ASPH: variants seen among roughly 807,000 people sequenced by gnomAD.
ASPH encodes aspartate beta-hydroxylase, also known as aspartyl/asparaginyl beta-hydroxylase.
A neutral mutation model predicts 118.4 loss-of-function variants in ASPH; 100 were observed. The ratio of observed to expected loss-of-function variants is 0.84; its 90% CI spans 0.72 to 1.00. The LOEUF (loss-of-function observed/expected upper bound fraction) is 1.00. Ranked by LOEUF, ASPH falls within the 50% of genes least tolerant of loss-of-function variation. The pLI is 0.00. For synonymous variants in ASPH, 315 were observed against 325.6 expected (o/e 0.97, Z 0.35); for missense variants, 920 against 919.5 (o/e 1.00, Z -0.01).
At chr8:61,664,960 AAT>A in intron 3 of ASPH, 1 of 1,134,046 alleles carries the variant, frequency 8.8e-7, no homozygotes, top group Non-Finnish European at 1.1e-6. Context: ...GAAAGTATTC[AAT>A]ATATTAATCC....
chr8:61,627,150 A>C (rs1165985091), intron 13 of ASPH, among the ~76,000 whole-genome samples: 1 of 152,228 alleles, frequency 6.6e-6, no homozygotes, highest in Non-Finnish European at 1.5e-5. Flanking sequence ...TTCCCCAAAA[A>C]GACATTACAA....
chr8:61,689,662 CA>C, intron 1 of ASPH: 2 of 1,586,716 alleles, frequency 1.3e-6, no homozygotes, highest in African/African-American at 1.3e-5. Context: ...GCCTAAATAA[CA>C]AAAATATACC....
At position 61,620,537 on chromosome 8, in the gene ASPH, G is replaced by A. The variant is rs543018211; in HGVS notation, c.935-1518C>T. 3.0e-4 allele frequency among the ~76,000 whole-genome samples: 46 copies of A among 150,870 alleles called. 1 individual carries two copies. The highest frequency in any genetic ancestry group is 6.3e-4 in the African/African-American group (26 of 40,956). On this transcript the variant is annotated intron_variant, in intron 13 of 24. Transcript: ENST00000379454. ...CTTGGTAGAATGTTCTAGAATTTCCGATCTCTTTAACTATAGCCTCCTTAT... is the reference window on the plus strand; with the variant it reads ...CTTGGTAGAATGTTCTAGAATTTCCAATCTCTTTAACTATAGCCTCCTTAT...
At chr8:61,692,666 T>C (rs1487941764) in intron 1 of ASPH, among the ~76,000 whole-genome samples, 1 of 152,182 alleles carries the variant, frequency 6.6e-6, no homozygotes, top group Non-Finnish European at 1.5e-5. Flanking sequence ...CCGGATCAGC[T>C]ATCATTACAG....
intron 14 of ASPH, among the ~76,000 whole-genome samples, chr8:61,616,707 T>C (rs1849152645): frequency 6.6e-6 from 1 of 152,212 alleles, no homozygotes; most frequent in Non-Finnish European, 1.5e-5. Context: ...GTACAAACTG[T>C]TCCTCTGCTC....
chr8:61,571,146 G>T lies in ASPH; in HGVS notation c.1150-3828C>A, dbSNP rs1445020548. Among the ~76,000 whole-genome samples the T allele has an allele frequency of 3.9e-5, 6 of 152,106 alleles. 1 individual carries two copies. Among genetic ancestry groups the T allele is most frequent in the African/African-American group, 7.2e-5 (3 of 41,434 alleles). ...TTATTTTTAAAACTACTATGAACTTGAAGTTTCCTTTAAATTACTCTATTA... is the reference window on the plus strand; with the variant it reads ...TTATTTTTAAAACTACTATGAACTTTAAGTTTCCTTTAAATTACTCTATTA... On this transcript the variant is annotated intron_variant, in intron 16 of 24. Transcript: ENST00000379454.
intron 20 of ASPH, among the ~76,000 whole-genome samples, chr8:61,550,154 C>G (rs1825402685): frequency 6.6e-6 from 1 of 151,952 alleles, no homozygotes. Flanking sequence ...ATGAATTCAG[C>G]TAGAGTGCTT....
intron 24 of ASPH, among the ~76,000 whole-genome samples, chr8:61,514,610 G>A (rs1810175915): frequency 6.6e-6 from 1 of 152,134 alleles, no homozygotes; most frequent in South Asian, 2.1e-4. Context: ...TTGGGAGGCT[G>A]AGGCAGGAAA....
chr8:61,628,046 T>G (rs535473194), intron 13 of ASPH, among the ~76,000 whole-genome samples: 2 of 152,238 alleles, frequency 1.3e-5, no homozygotes, highest in South Asian at 4.1e-4. Flanking sequence ...CTACGGTAGC[T>G]GCTTCTTACT....
intron 24 of ASPH, among the ~76,000 whole-genome samples, chr8:61,505,130 T>C (rs1364726893): frequency 6.6e-6 from 1 of 152,108 alleles, no homozygotes; most frequent in African/African-American, 2.4e-5. Flanking sequence ...ATAAGTATCA[T>C]GAGATCTGAT....
chr8:61,561,311 T>C (rs958458373), intron 18 of ASPH, among the ~76,000 whole-genome samples: 1 of 152,196 alleles, frequency 6.6e-6, no homozygotes, highest in Non-Finnish European at 1.5e-5. Flanking sequence ...GTGTTATGTG[T>C]TGGCCATTAA....
chr8:61,632,631 A>T (rs1362904294), intron 13 of ASPH: 1 of 491,918 alleles, frequency 2.0e-6, no homozygotes, highest in African/African-American at 2.0e-5. Flanking sequence ...TCATATTATA[A>T]TACCAACAAT....
intron 17 of ASPH, 82 bp downstream of exon 17, chr8:61,567,086 C>T: frequency 6.7e-7 from 1 of 1,491,140 alleles, no homozygotes; most frequent in Non-Finnish European, 9.0e-7. Context: ...CGTAATTCTT[C>T]TAAGAGAAGA....
chr8:61,562,793 C>G lies in ASPH; in HGVS notation c.1388G>C (p.Gly463Ala). ...GTCATTATCTCCTATCAAGAGGTAT[C>G]CCACGCCAAGGTCATTTTTTAAGGA... ...DTSLKNDLGV[G>A]YLLIGDNDNA... The change falls in exon 18 of 25, where the codon GGA (glycine) becomes GCA (alanine). Residue 463 changes from glycine (G) to alanine (A), a missense_variant. By Grantham distance (60) the Gly-to-Ala change is moderately conservative. Coordinates refer to ENST00000379454, the MANE Select transcript of ASPH (RefSeq NM_004318.4). The G allele has an allele frequency of 1.2e-6, 2 of 1,612,384 alleles. No homozygotes were observed. The highest frequency in any genetic ancestry group is 1.7e-6 in the Non-Finnish European group (2 of 1,179,370).
intron 2 of ASPH, chr8:61,682,363 A>T: frequency 7.0e-7 from 1 of 1,438,266 alleles, no homozygotes; most frequent in Non-Finnish European, 9.7e-7. Context: ...TGTAGATAAT[A>T]ATTAAATTAG....
intron 1 of ASPH, among the ~76,000 whole-genome samples, chr8:61,690,197 A>G (rs1215788299): frequency 6.6e-6 from 1 of 152,224 alleles, no homozygotes; most frequent in East Asian, 1.9e-4. Context: ...TAAAATGGCT[A>G]CAAGGAAAGA....
chr8:61,666,211 G>A (rs2151367232), intron 3 of ASPH, among the ~76,000 whole-genome samples: 1 of 152,226 alleles, frequency 6.6e-6, no homozygotes, highest in Admixed American at 6.5e-5. Context: ...TATTCATCAT[G>A]AAATCAGTAT....
intron 21 of ASPH, among the ~76,000 whole-genome samples, chr8:61,545,108 G>T (rs577607598): frequency 6.6e-6 from 1 of 152,286 alleles, no homozygotes; most frequent in Admixed American, 6.5e-5. Context: ...TGACTGCTGT[G>T]GTCTGAACGT....
intron 21 of ASPH, 68 bp from the exon 22 acceptor site, chr8:61,526,180 G>A (rs1161735625): frequency 1.2e-5 from 19 of 1,569,704 alleles, no homozygotes; most frequent in Non-Finnish European, 1.6e-5. Context: ...AATGACTCTT[G>A]TTTTTTTTGA....
Sources: allele counts gnomAD v4.1 joint callset (sites outside exome capture counted in the v4.1 genomes callset), GRCh38; gene constraint gnomAD v4.1.1; transcripts MANE v1.5; gene names NCBI Gene and HGNC (gene_info 2026-07-23, HGNC 2026-07-21).